CNTN4: variants seen among roughly 807,000 people sequenced by gnomAD.
The protein encoded by CNTN4 is contactin-4.
In CNTN4, 77 loss-of-function variants were observed where a neutral mutation model predicts 122.5. That is an observed-to-expected ratio of 0.63 (90% confidence interval 0.52 to 0.76). CNTN4 has a LOEUF of 0.76. Among genes scored for constraint, CNTN4 ranks in the 30% least tolerant of loss-of-function variants. CNTN4 has a pLI of 0.00. For missense variants in CNTN4, 1,256 were observed against 1,259.1 expected, an observed-to-expected ratio of 1.00 and a Z score of 0.04; for synonymous variants, 512 against 447.0, an observed-to-expected ratio of 1.15 and a Z score of -1.83.
At chr3:2,737,359 G>A (rs1297813467) in intron 5 of CNTN4, among the ~76,000 whole-genome samples, 1 of 152,142 alleles carries the variant, frequency 6.6e-6, no homozygotes, top group East Asian at 1.9e-4. Flanking sequence ...GGGATTACAG[G>A]CATGAACCAC....
chr3:2,180,080 G>A (rs2149278883), intron 2 of CNTN4, among the ~76,000 whole-genome samples: 1 of 151,854 alleles, frequency 6.6e-6, no homozygotes, highest in South Asian at 2.1e-4. Context: ...CATATATGTT[G>A]ATTGTATCTA....
intron 3 of CNTN4, among the ~76,000 whole-genome samples, chr3:2,442,716 G>A (rs2048484189): frequency 6.6e-6 from 1 of 151,938 alleles, no homozygotes; most frequent in South Asian, 2.1e-4. Flanking sequence ...AAGCTACTTG[G>A]GTAGTTTAAA....
chr3:2,518,822 C>A (rs867641206), intron 3 of CNTN4, among the ~76,000 whole-genome samples: 6 of 152,002 alleles, frequency 3.9e-5, no homozygotes, highest in Middle Eastern at 3.2e-3. Flanking sequence ...GGGCCTGAGA[C>A]TTAAATCTAC....
chr3:2,547,841 T>G (rs774312293), intron 3 of CNTN4, among the ~76,000 whole-genome samples: 3 of 152,134 alleles, frequency 2.0e-5, no homozygotes, highest in Non-Finnish European at 4.4e-5. Context: ...CATGATACTG[T>G]CCAAAATCCA....
At position 2,781,794 on chromosome 3, in the gene CNTN4, T is replaced by G. The variant is rs12489800; in HGVS notation, c.358+36097T>G. On this transcript the variant is annotated intron_variant, in intron 6 of 24. Coordinates refer to ENST00000418658, the MANE Select transcript of CNTN4 (RefSeq NM_175607.3). Reference sequence around the variant, plus strand: ...GGCTGGAGGGCAGTAGCGCGATCTCTGCTCACTGCAACCTCCGCCTCCCGG... The same window carrying G: ...GGCTGGAGGGCAGTAGCGCGATCTCGGCTCACTGCAACCTCCGCCTCCCGG... 7.3e-3 allele frequency among the ~76,000 whole-genome samples: 970 copies of G among 132,630 alleles called. 30 individuals carry two copies. The highest frequency in any genetic ancestry group is 8.3e-3 in the African/African-American group (245 of 29,344). 87.0% of individuals were successfully genotyped at this position (132,630 alleles called of 152,430 possible). A position where few individuals can be genotyped will look rare whatever the true frequency, so the allele number is the denominator to read the frequency against.
At chr3:2,706,200 A>G (rs1277565420) in intron 4 of CNTN4, among the ~76,000 whole-genome samples, 5 of 151,894 alleles carry the variant, frequency 3.3e-5, no homozygotes, top group Admixed American at 2.6e-4. Context: ...ACCCAGTGAC[A>G]TAATGCATAA....
chr3:2,997,156 A>T (rs1186018885), intron 14 of CNTN4, among the ~76,000 whole-genome samples: 2 of 152,254 alleles, frequency 1.3e-5, no homozygotes, highest in Non-Finnish European at 2.9e-5. Context: ...AATGGAGTTT[A>T]AATGGCTAAT....
chr3:2,133,876 A>G lies in CNTN4; in HGVS notation c.-145+33237A>G, dbSNP rs1398828039. ...TGATTTATTAAGAGTCATTTTCCAG[A>G]ATTAGATTTAAAGCTCTATTGTTTT... On this transcript the variant is annotated intron_variant, in intron 2 of 24. Coordinates refer to ENST00000418658, the MANE Select transcript of CNTN4 (RefSeq NM_175607.3). Among the ~76,000 whole-genome samples, 3 of 152,176 alleles carry G rather than the reference A, an allele frequency of 2.0e-5. No homozygotes were observed. In the East Asian group the frequency reaches 5.8e-4, roughly 29 times the overall value.
At chr3:2,487,804 G>T (rs543609906) in intron 3 of CNTN4, among the ~76,000 whole-genome samples, 5 of 152,144 alleles carry the variant, frequency 3.3e-5, no homozygotes, top group Non-Finnish European at 7.4e-5. Context: ...TATTGTATTT[G>T]GCACATAGAG....
At chr3:2,102,338 G>C (rs1021564103) in intron 2 of CNTN4, among the ~76,000 whole-genome samples, 8 of 152,158 alleles carry the variant, frequency 5.3e-5, no homozygotes, top group African/African-American at 1.9e-4. Flanking sequence ...TAATTTCTGT[G>C]AGCCTTAGTT....
At chr3:2,350,726 A>G (rs532574449) in intron 3 of CNTN4, among the ~76,000 whole-genome samples, 11 of 152,210 alleles carry the variant, frequency 7.2e-5, no homozygotes, top group Non-Finnish European at 1.5e-4. Flanking sequence ...TATTTAATTG[A>G]TGCTTATACA....
At chr3:2,670,274 T>C (rs2084426144) in intron 4 of CNTN4, among the ~76,000 whole-genome samples, 1 of 152,192 alleles carries the variant, frequency 6.6e-6, no homozygotes, top group African/African-American at 2.4e-5. Flanking sequence ...ATCTGGGTGC[T>C]CCTGTATTGG....
intron 14 of CNTN4, among the ~76,000 whole-genome samples, chr3:3,003,684 C>CAAAAAAAAAAAAAAAAA (rs58290160): frequency 2.6e-5 from 2 of 76,966 alleles, no homozygotes; most frequent in African/African-American, 4.1e-5. Context: ...ATGGTTGCAC[C>CAAAAAAAAAAAAAAAAA]AAAAAAAAAA....
intron 6 of CNTN4, among the ~76,000 whole-genome samples, chr3:2,753,136 C>T (rs1284797034): frequency 6.6e-6 from 1 of 152,012 alleles, no homozygotes; most frequent in Non-Finnish European, 1.5e-5. Flanking sequence ...AATATATACC[C>T]AGTTGTGGAA....
rs1450855442 is a variant in CNTN4 at position 3,057,157 on chromosome 3, TTC to T, written c.*941_*942del. Reference sequence around the variant, plus strand: ...TTGAATGTAAATTTAAAAAAAGTAATTCTCTGTCAATGGATTCGTAATTTCTT... The same window carrying T: ...TTGAATGTAAATTTAAAAAAAGTAATTCTGTCAATGGATTCGTAATTTCTT... On this transcript the variant is annotated 3_prime_UTR_variant, in exon 25 of 25. Transcript: ENST00000418658. The T allele has an allele frequency of 6.6e-6, 1 of 152,558 alleles. No individual in the cohort carries two copies. Among genetic ancestry groups the T allele is most frequent in the Non-Finnish European group, 1.5e-5 (1 of 68,040 alleles). 9.5% of individuals were successfully genotyped at this position (152,558 alleles called of 1,614,324 possible).
chr3:2,512,928 G>T (rs34877519), intron 3 of CNTN4, among the ~76,000 whole-genome samples: 17,159 of 152,214 alleles, frequency 0.11, 1,255 homozygotes, highest in Middle Eastern at 0.17. Flanking sequence ...ATTAGATTTG[G>T]TGGAGAGGAA....
chr3:2,631,029 G>A (rs2082408394), intron 4 of CNTN4, among the ~76,000 whole-genome samples: 1 of 152,146 alleles, frequency 6.6e-6, no homozygotes, highest in South Asian at 2.1e-4. Flanking sequence ...GGAGGTGGGA[G>A]TAGTAATATT....
intron 6 of CNTN4, among the ~76,000 whole-genome samples, chr3:2,798,366 A>ATCTATCTATCTATCTATCTATCT (rs57013365): frequency 0.14 from 18,623 of 135,228 alleles, 1,559 homozygotes; most frequent in South Asian, 0.18. Context: ...TACACACATA[A>ATCTATCTATCTATCTATCTATCT]ATCTATCTAT....
At chr3:2,185,088 ACTT>A in intron 2 of CNTN4, among the ~76,000 whole-genome samples, 1 of 152,062 alleles carries the variant, frequency 6.6e-6, no homozygotes, top group South Asian at 2.1e-4. Flanking sequence ...CTCAAAGACA[ACTT>A]TGGTTTGAAT....
Sources: gnomAD v4.1 joint callset for allele counts (sites outside exome capture counted in the v4.1 genomes callset) on GRCh38, gnomAD v4.1.1 for gene constraint, MANE v1.5 for transcripts, NCBI Gene and HGNC (gene_info 2026-07-23, HGNC 2026-07-21) for gene names.